The following CSMD1 variants were observed in gnomAD, a reference collection of about 807,000 sequenced individuals.
CSMD1 encodes CUB and Sushi multiple domains 1.
A neutral mutation model predicts 417.5 loss-of-function variants in CSMD1; 213 were observed. The ratio of observed to expected loss-of-function variants is 0.51; its 90% confidence interval spans 0.46 to 0.57. CSMD1 has a LOEUF of 0.57. Ranked by LOEUF, CSMD1 falls within the 20% of genes least tolerant of loss-of-function variation. The pLI is 0.00. For synonymous variants in CSMD1, 2,862 were observed against 1,736.8 expected, an observed-to-expected ratio of 1.65 and a Z score of -16.11; for missense variants, 6,923 against 4,529.7, an observed-to-expected ratio of 1.53 and a Z score of -15.17.
chr8:3,172,424 A>ACCCCG (rs1256292689), intron 37 of CSMD1, among the ~76,000 whole-genome samples: 2 of 152,010 alleles, frequency 1.3e-5, no homozygotes, highest in South Asian at 4.2e-4. Context: ...GCATCTCAGA[A>ACCCCG]CCCCGCCAAT....
chr8:4,389,013 T>A (rs1380368209), intron 3 of CSMD1, among the ~76,000 whole-genome samples: 3 of 152,228 alleles, frequency 2.0e-5, no homozygotes, highest in African/African-American at 7.2e-5. Context: ...AGGTGTGACC[T>A]AACCAGCATT....
At chr8:4,323,243 T>A (rs1419042844) in intron 3 of CSMD1, among the ~76,000 whole-genome samples, 1 of 152,184 alleles carries the variant, frequency 6.6e-6, no homozygotes, top group African/African-American at 2.4e-5. Flanking sequence ...GCATTATGTA[T>A]AAGCAATTTT....
At chr8:3,393,092 T>C (rs1357985296) in intron 17 of CSMD1, among the ~76,000 whole-genome samples, 1 of 152,186 alleles carries the variant, frequency 6.6e-6, no homozygotes, top group Non-Finnish European at 1.5e-5. Flanking sequence ...AAATAAGAAG[T>C]GATCCCAAGT....
At chr8:3,546,071 C>T (rs1308799535) in intron 10 of CSMD1, among the ~76,000 whole-genome samples, 2 of 152,154 alleles carry the variant, frequency 1.3e-5, no homozygotes, top group Non-Finnish European at 2.9e-5. Context: ...CATTTAACAG[C>T]CCTTGCTAAC....
intron 3 of CSMD1, among the ~76,000 whole-genome samples, chr8:4,049,228 C>G (rs1163212035): frequency 2.0e-5 from 3 of 151,998 alleles, no homozygotes; most frequent in Non-Finnish European, 4.4e-5. Flanking sequence ...CATATGTAGA[C>G]TTCTCAACCT....
Position 4,439,230 on chromosome 8 carries a change from A to G in CSMD1, c.303-19165T>C, listed in dbSNP as rs775045558. Among the ~76,000 whole-genome samples, 7 of 152,178 alleles carry G rather than the reference A, an allele frequency of 4.6e-5. No homozygotes were observed. The South Asian group carries it at 6.2e-4, about 14-fold the overall frequency. On this transcript the variant is annotated intron_variant, in intron 2 of 69. Transcript: ENST00000635120. Reference sequence around the variant, plus strand: ...ATTTCATTTATTTGAAATACTTTATATGAAATATATTGCTTCTATTAAACA... The same window carrying G: ...ATTTCATTTATTTGAAATACTTTATGTGAAATATATTGCTTCTATTAAACA...
In CSMD1 at chr8:3,493,238, G is replaced by T. The variant is rs113258790; in HGVS notation, c.1448+385C>A. ...GAACCCGGGAGGCGGAGGTTGCAGT[G>T]AGCCGAGATCTGACCACTGCACTGC... On this transcript the variant is annotated intron_variant, in intron 11 of 69. Coordinates refer to ENST00000635120, the MANE Select transcript of CSMD1 (RefSeq NM_033225.6). Among the ~76,000 whole-genome samples, 1,391 of 146,416 alleles carry T rather than the reference G, an allele frequency of 9.5e-3. 27 individuals carry two copies. Among genetic ancestry groups the T allele is most frequent in the African/African-American group, 0.032 (1,278 of 39,614 alleles).
intron 5 of CSMD1, among the ~76,000 whole-genome samples, chr8:3,827,635 A>C (rs1232814296): frequency 6.6e-6 from 1 of 152,212 alleles, no homozygotes; most frequent in Non-Finnish European, 1.5e-5. Flanking sequence ...TTTCTATAAA[A>C]ACCTCTTCGA....
intron 25 of CSMD1, among the ~76,000 whole-genome samples, chr8:3,287,660 G>C (rs1052568737): frequency 2.0e-4 from 30 of 152,190 alleles, no homozygotes; most frequent in African/African-American, 7.0e-4. Context: ...TTTGTATCCT[G>C]AGACTTTGCT....
At chr8:3,823,913 A>C (rs1801890592) in intron 5 of CSMD1, among the ~76,000 whole-genome samples, 1 of 152,176 alleles carries the variant, frequency 6.6e-6, no homozygotes, top group African/African-American at 2.4e-5. Flanking sequence ...ATTCATTTTT[A>C]ATTCTACCTT....
chr8:3,483,627 C>A (rs1469333073), intron 11 of CSMD1, among the ~76,000 whole-genome samples: 1 of 151,968 alleles, frequency 6.6e-6, no homozygotes, highest in Non-Finnish European at 1.5e-5. Context: ...CCATTATAAT[C>A]TTATAATGAA....
chr8:4,070,865 A>T (rs1344566472), intron 3 of CSMD1, among the ~76,000 whole-genome samples: 2 of 152,208 alleles, frequency 1.3e-5, no homozygotes, highest in Admixed American at 1.3e-4. Flanking sequence ...CTAGGTTGAC[A>T]GTTCCTTTTT....
intron 1 of CSMD1, among the ~76,000 whole-genome samples, chr8:4,698,597 A>ATTTT (rs1239933965): frequency 4.8e-3 from 295 of 62,084 alleles, no homozygotes; most frequent in Non-Finnish European, 6.5e-3. Context: ...AAATGATAGA[A>ATTTT]ATTTTTTTTT....
chr8:3,855,266 G>A (rs770558061), intron 5 of CSMD1, among the ~76,000 whole-genome samples: 3 of 152,128 alleles, frequency 2.0e-5, no homozygotes, highest in East Asian at 1.9e-4. Context: ...TTACTATATT[G>A]CATACAAAAA....
chr8:4,807,503 A>T (rs548775158), intron 1 of CSMD1, among the ~76,000 whole-genome samples: 1 of 152,072 alleles, frequency 6.6e-6, no homozygotes, highest in Admixed American at 6.5e-5. Flanking sequence ...ATCCTGAATC[A>T]CCTAAACCCC....
intron 5 of CSMD1, among the ~76,000 whole-genome samples, chr8:3,865,821 C>A (rs554160977): frequency 6.6e-6 from 1 of 152,050 alleles, no homozygotes; most frequent in Non-Finnish European, 1.5e-5. Context: ...ACTGTAAATA[C>A]CCTTCTCACA....
chr8:4,490,619 A>G (rs1212884792), intron 2 of CSMD1, among the ~76,000 whole-genome samples: 3 of 152,178 alleles, frequency 2.0e-5, no homozygotes, highest in Non-Finnish European at 4.4e-5. Flanking sequence ...AAAGACTGAA[A>G]TCAGGAGAGG....
At chr8:3,824,163 G>C (rs530622958) in intron 5 of CSMD1, among the ~76,000 whole-genome samples, 1 of 151,458 alleles carries the variant, frequency 6.6e-6, no homozygotes, top group African/African-American at 2.4e-5. Context: ...CATTCCAATG[G>C]AAATATCTAT....
intron 25 of CSMD1, among the ~76,000 whole-genome samples, chr8:3,292,183 T>C (rs1443063020): frequency 2.6e-5 from 4 of 152,228 alleles, no homozygotes; most frequent in African/African-American, 9.6e-5. Flanking sequence ...TGCACTGTGG[T>C]CTGAGAGACA....
Sources: allele counts gnomAD v4.1 joint callset (sites outside exome capture counted in the v4.1 genomes callset), GRCh38; gene constraint gnomAD v4.1.1; transcripts MANE v1.5; gene names NCBI Gene and HGNC (gene_info 2026-07-23, HGNC 2026-07-21).